Variants in PLA2R1 observed in about 807,000 individuals in gnomAD.
The protein encoded by PLA2R1 is phospholipase A2 receptor 1.
A neutral mutation model predicts 195.9 loss-of-function variants in PLA2R1; 158 were observed. That is an observed-to-expected ratio of 0.81 (90% CI 0.71 to 0.92). The LOEUF (loss-of-function observed/expected upper bound fraction) is 0.92. PLA2R1 is among the 40% of genes least tolerant of loss of function. The pLI is 0.00. For synonymous variants in PLA2R1, 586 were observed against 598.2 expected (o/e 0.98, Z 0.30); for missense variants, 1,626 against 1,764.6 (o/e 0.92, Z 1.41).
chr2:159,967,764 C>A, intron 19 of PLA2R1, 86 bp from the exon 20 acceptor site: 1 of 1,068,002 alleles, frequency 9.4e-7, no homozygotes, highest in Non-Finnish European at 1.3e-6. Flanking sequence ...TTTTATGAGG[C>A]TATGGTTTTT....
At position 159,941,833 on chromosome 2, in the gene PLA2R1, G is replaced by T; in HGVS notation, c.4337C>A (p.Thr1446Lys). Residue 1446 changes from threonine (T) to lysine (K), a missense_variant, in exon 30 of 30, where the codon ACA becomes AAA. Thr to Lys is a moderately conservative substitution (Grantham distance 78). Coordinates refer to ENST00000283243, the MANE Select transcript of PLA2R1 (RefSeq NM_007366.5). ...NPYYPATNFS[T>K]VYLEENILIS... ...GAGAATATTTTCTTCTAAATATACT[G>T]TACTAAAGTTGGTTGCAGGATAGTA... 1 of 1,612,070 alleles carries T rather than the reference G, an allele frequency of 6.2e-7. No homozygotes were observed. Among genetic ancestry groups the T allele is most frequent in the Non-Finnish European group, 8.5e-7 (1 of 1,178,278 alleles).
Position 160,062,292 on chromosome 2 carries a change from CA to C in PLA2R1, c.109+2del. 4.7e-6 allele frequency: 7 copies of C among 1,485,962 alleles called. No individual in the cohort carries two copies. The highest frequency in any genetic ancestry group is 5.4e-6 in the Non-Finnish European group (6 of 1,117,460). The allele number at this position is 1,485,962 out of a possible 1,614,324, so 92.0% of individuals were successfully genotyped here. ...ATCCAGTCCCCGACCCTGGGAGACT[CA>C]CCCTGCCACTCCAGGAGCCGCTCGG... On this transcript the variant is annotated splice_donor_variant, in intron 1 of 29. Coordinates refer to ENST00000283243, the MANE Select transcript of PLA2R1 (RefSeq NM_007366.5). LOFTEE classifies it high-confidence loss of function.
At chr2:159,985,834 C>A (rs1034757357) in intron 12 of PLA2R1, among the ~76,000 whole-genome samples, 2 of 152,118 alleles carry the variant, frequency 1.3e-5, no homozygotes, top group African/African-American at 2.4e-5. Context: ...CCCTTGCTGA[C>A]CCAGCTCTTC....
At chr2:160,013,871 C>T (rs1032038229) in intron 9 of PLA2R1, among the ~76,000 whole-genome samples, 3 of 151,778 alleles carry the variant, frequency 2.0e-5, no homozygotes, top group Admixed American at 6.6e-5. Flanking sequence ...TACTGTGCAA[C>T]CTTGTTTAAT....
intron 11 of PLA2R1, among the ~76,000 whole-genome samples, chr2:159,993,453 T>TAC (rs3063677): frequency 0.024 from 3,620 of 148,282 alleles, 124 homozygotes; most frequent in African/African-American, 0.073. Flanking sequence ...GTGTTTAATT[T>TAC]ACACACACAC....
intron 3 of PLA2R1, among the ~76,000 whole-genome samples, chr2:160,040,876 T>C (rs1357323623): frequency 6.6e-6 from 1 of 152,230 alleles, no homozygotes; most frequent in African/African-American, 2.4e-5. Context: ...TTAACCCTTG[T>C]GAGTACTTAC....
chr2:159,944,832 TAAA>T lies in PLA2R1; in HGVS notation c.4144+71_4144+73del, dbSNP rs1687283598. The T allele has an allele frequency of 6.0e-6, 7 of 1,157,670 alleles. No homozygotes were observed. In the South Asian group the frequency reaches 9.5e-5, roughly 16 times the overall value. 71.7% of individuals were successfully genotyped at this position (1,157,670 alleles called of 1,614,324 possible). On this transcript the variant is annotated intron_variant, in intron 28 of 29. Coordinates refer to ENST00000283243, the MANE Select transcript of PLA2R1 (RefSeq NM_007366.5). ...CTCTCAACTTGGATTTTAAAACCTT[TAAA>T]TGCTAAAGAAGTCAGTCAACATTAG...
intron 11 of PLA2R1, among the ~76,000 whole-genome samples, chr2:159,993,124 G>T (rs1323693401): frequency 6.6e-6 from 1 of 151,992 alleles, no homozygotes; most frequent in Non-Finnish European, 1.5e-5. Flanking sequence ...TAATCTAGGG[G>T]TACAAAGTAC....
At chr2:160,046,428 CAGAGGCTTTGG>C (rs1306110492) in intron 1 of PLA2R1, among the ~76,000 whole-genome samples, 2 of 152,200 alleles carry the variant, frequency 1.3e-5, no homozygotes, top group African/African-American at 4.8e-5. Flanking sequence ...CAGGTACAGG[CAGAGGCTTTGG>C]AGAGGTTTGG....
chr2:159,934,371 C>G lies in PLA2R1; in HGVS notation c.*7407G>C, dbSNP rs6432567. 0.87 allele frequency: 132,347 copies of G among 152,222 alleles called. 59,209 individuals are homozygous for G. Among genetic ancestry groups the G allele is most frequent in the East Asian group, 1 (5,186 of 5,186 alleles). The allele number at this position is 152,222 out of a possible 1,614,324, so 9.4% of individuals were successfully genotyped here. A position where few individuals can be genotyped will look rare whatever the true frequency, so the allele number is the denominator to read the frequency against. On this transcript the variant is annotated 3_prime_UTR_variant, in exon 30 of 30. Coordinates refer to ENST00000283243, the MANE Select transcript of PLA2R1 (RefSeq NM_007366.5). Reference sequence around the variant, plus strand: ...ATGGCCTGCAGCAAGACGTGTCTGGCTCCTAATCCTACAGCGGATGGTGTG... The same window carrying G: ...ATGGCCTGCAGCAAGACGTGTCTGGGTCCTAATCCTACAGCGGATGGTGTG...
chr2:159,971,796 A>C (rs1689208603), intron 17 of PLA2R1, among the ~76,000 whole-genome samples: 1 of 152,236 alleles, frequency 6.6e-6, no homozygotes, highest in African/African-American at 2.4e-5. Flanking sequence ...CATACAACAG[A>C]ACCCAATAGC....
chr2:160,062,033 G>GC (rs1299429393), intron 1 of PLA2R1, among the ~76,000 whole-genome samples: 8 of 151,930 alleles, frequency 5.3e-5, no homozygotes, highest in South Asian at 2.1e-4. Context: ...GCGAGACCAA[G>GC]CCCCCCCGCC....
At chr2:160,056,644 T>C (rs940201786) in intron 1 of PLA2R1, among the ~76,000 whole-genome samples, 1 of 152,242 alleles carries the variant, frequency 6.6e-6, no homozygotes, top group African/African-American at 2.4e-5. Context: ...CCAAACTTTC[T>C]GCTCCTCAAT....
intron 20 of PLA2R1, among the ~76,000 whole-genome samples, chr2:159,961,963 C>T (rs1281526139): frequency 6.6e-6 from 1 of 152,166 alleles, no homozygotes; most frequent in Non-Finnish European, 1.5e-5. Flanking sequence ...CCATTCAGGA[C>T]ATAGGCATGA....
intron 9 of PLA2R1, among the ~76,000 whole-genome samples, chr2:160,015,870 T>A (rs1045451242): frequency 2.0e-5 from 3 of 152,192 alleles, no homozygotes; most frequent in Non-Finnish European, 1.5e-5. Flanking sequence ...TAAAGCATAG[T>A]TGCATAAAGA....
rs193105708 is a variant in PLA2R1 at position 159,939,133 on chromosome 2, C to T, written c.*2645G>A. 3 of 152,238 alleles carry T rather than the reference C, an allele frequency of 2.0e-5. No homozygotes were observed. Among genetic ancestry groups the T allele is most frequent in the Non-Finnish European group, 2.9e-5 (2 of 68,014 alleles). 9.4% of individuals were successfully genotyped at this position (152,238 alleles called of 1,614,324 possible). On this transcript the variant is annotated 3_prime_UTR_variant, in exon 30 of 30. Transcript: ENST00000283243. ...GTGGTAAAGTCTGGTGTAACCATCACGCAAATAGTGTATAATATACCCATT... is the reference window on the plus strand; with the variant it reads ...GTGGTAAAGTCTGGTGTAACCATCATGCAAATAGTGTATAATATACCCATT...
At chr2:159,982,026 T>G (rs1266384571) in intron 13 of PLA2R1, among the ~76,000 whole-genome samples, 2 of 152,162 alleles carry the variant, frequency 1.3e-5, no homozygotes, top group Non-Finnish European at 2.9e-5. Flanking sequence ...TGGGACTAAA[T>G]TCTGCTAGAC....
intron 23 of PLA2R1, among the ~76,000 whole-genome samples, chr2:159,953,103 A>G (rs1047334712): frequency 6.6e-6 from 1 of 152,244 alleles, no homozygotes; most frequent in Non-Finnish European, 1.5e-5. Flanking sequence ...CCAAATGCCA[A>G]TTTGACTGTT....
At chr2:160,047,330 CT>C (rs1185659172) in intron 1 of PLA2R1, among the ~76,000 whole-genome samples, 1 of 152,214 alleles carries the variant, frequency 6.6e-6, no homozygotes, top group Non-Finnish European at 1.5e-5. Flanking sequence ...CATGAAAAGC[CT>C]TAGGAAATGG....
Sources: allele counts gnomAD v4.1 joint callset (sites outside exome capture counted in the v4.1 genomes callset), GRCh38; gene constraint gnomAD v4.1.1; transcripts MANE v1.5; gene names NCBI Gene and HGNC (gene_info 2026-07-23, HGNC 2026-07-21).